Variants in ASCL5 observed in about 807,000 individuals in gnomAD.
ASCL5 encodes the protein achaete-scute homolog 5.
For synonymous variants in ASCL5, 124 were observed against 131.5 expected, an observed-to-expected ratio of 0.94 and a Z score of 0.39; for missense variants, 262 against 268.9, an observed-to-expected ratio of 0.97 and a Z score of 0.18.
At chr1:201,120,196 T>C (rs1663424003) in intron 1 of ASCL5, among the ~76,000 whole-genome samples, 1 of 152,182 alleles carries the variant, frequency 6.6e-6, no homozygotes, top group Admixed American at 6.5e-5. Context: ...AGAGAGGGCG[T>C]ATTGTCAGCG....
At chr1:201,118,862 C>T (rs951703912) in intron 1 of ASCL5, among the ~76,000 whole-genome samples, 3 of 152,168 alleles carry the variant, frequency 2.0e-5, no homozygotes, top group Non-Finnish European at 2.9e-5. Flanking sequence ...TCTGGTTTTA[C>T]GGGTGAGAAA....
At chr1:201,121,715 C>T (rs1016240976) in intron 1 of ASCL5, among the ~76,000 whole-genome samples, 12 of 151,938 alleles carry the variant, frequency 7.9e-5, no homozygotes, top group African/African-American at 1.2e-4. Context: ...CCTGTAGTCC[C>T]GGCTACTCAG....
intron 1 of ASCL5, among the ~76,000 whole-genome samples, 170 bp downstream of exon 1, chr1:201,126,914 G>T (rs1663590033): frequency 6.6e-6 from 1 of 152,250 alleles, no homozygotes; most frequent in South Asian, 2.1e-4. Flanking sequence ...ACCCCAGCCA[G>T]CAGGTGGCTT....
At chr1:201,126,128 TTTAAAG>T (rs1261380561) in intron 1 of ASCL5, among the ~76,000 whole-genome samples, 1 of 147,612 alleles carries the variant, frequency 6.8e-6, no homozygotes, top group Non-Finnish European at 1.5e-5. Context: ...CCTTAGCTCT[TTTAAAG>T]TTAATTTTTT....
At chr1:201,122,331 C>T (rs1663500520) in intron 1 of ASCL5, among the ~76,000 whole-genome samples, 1 of 152,166 alleles carries the variant, frequency 6.6e-6, no homozygotes, top group Non-Finnish European at 1.5e-5. Flanking sequence ...CATGGGCTGA[C>T]CAAGCCAAGT....
Position 201,115,213 on chromosome 1 carries a change from G to A in ASCL5, c.160C>T (p.Pro54Ser). ...CCCGCATAGGCGTCGTAGTAGGGCG[G>A]CTCTGCTGGGCCCGGGTACAGCAGG... ...PFLLYPGPAEPPYYDAYAGVF... is the reference protein window; with the variant it reads ...PFLLYPGPAESPYYDAYAGVF... The change falls in exon 2 of 2, where the codon CCG (proline) becomes TCG (serine). Residue 54 changes from proline (P) to serine (S), a missense_variant. Physicochemically the swap from Pro to Ser is moderately conservative, Grantham distance 74 (BLOSUM62 -1). Transcript: ENST00000449188. 8.1e-7 allele frequency: 1 copy of A among 1,231,614 alleles called. No homozygotes were observed. Among genetic ancestry groups the A allele is most frequent in the Non-Finnish European group, 1.0e-6 (1 of 987,912 alleles). The allele number at this position is 1,231,614 out of a possible 1,614,324, so 76.3% of individuals were successfully genotyped here.
chr1:201,123,477 T>TTG (rs1663520808), intron 1 of ASCL5, among the ~76,000 whole-genome samples: 1 of 152,170 alleles, frequency 6.6e-6, no homozygotes, highest in South Asian at 2.1e-4. Flanking sequence ...AAAACTCTCA[T>TTG]TACAGCCTTA....
intron 1 of ASCL5, 30 bp from the exon 2 acceptor site, chr1:201,115,907 T>C (rs1416362007): frequency 6.6e-6 from 1 of 152,188 alleles, no homozygotes; most frequent in Non-Finnish European, 1.5e-5. Context: ...AGTGAACATA[T>C]CAGTTAGGAA....
chr1:201,115,072 C>T lies in ASCL5; in HGVS notation c.301G>A (p.Glu101Lys). 1 of 1,231,998 alleles carries T rather than the reference C, an allele frequency of 8.1e-7. No individual in the cohort carries two copies. Among genetic ancestry groups the T allele is most frequent in the South Asian group, 4.1e-5 (1 of 24,332 alleles). 76.3% of individuals were successfully genotyped at this position (1,231,998 alleles called of 1,614,324 possible). A position where few individuals can be genotyped will look rare whatever the true frequency, so the allele number is the denominator to read the frequency against. Residue 101 changes from glutamate to lysine, a missense_variant, in exon 2 of 2, where the codon GAG becomes AAG. Glu to Lys is a moderately conservative substitution (Grantham distance 56, BLOSUM62 1). Transcript: ENST00000449188. Reference protein sequence around the residue: ...RERQRVKCVNEGYARLRGHLP... With the variant: ...RERQRVKCVNKGYARLRGHLP... ...TGGCCGCGGAGGCGAGCGTAGCCCT[C>T]GTTGACGCACTTGACTCGCTGCCTC...
chr1:201,114,843 G>A lies in ASCL5; in HGVS notation c.530C>T (p.Ala177Val), dbSNP rs1199949577. 8 of 1,227,744 alleles carry A rather than the reference G, an allele frequency of 6.5e-6. No individual in the cohort carries two copies. The highest frequency in any genetic ancestry group is 6.1e-6 in the Non-Finnish European group (6 of 985,414). The allele number at this position is 1,227,744 out of a possible 1,614,324, so 76.1% of individuals were successfully genotyped here. Residue 177 changes from alanine (A) to valine (V), a missense_variant, in exon 2 of 2, where the codon GCC (alanine) becomes GTC (valine). By Grantham distance (64) the Ala-to-Val change is moderately conservative. Coordinates refer to ENST00000449188, the MANE Select transcript of ASCL5 (RefSeq NM_001270601.2). ...CGGCACCAGGGAGGAGGGCGCCCGGGCCTCGCCGTCGCCAGGGCGGTCGGG... is the reference window on the plus strand; with the variant it reads ...CGGCACCAGGGAGGAGGGCGCCCGGACCTCGCCGTCGCCAGGGCGGTCGGG... ...PRPDRPGDGE[A>V]RAPSSLVPES...
rs1368980888 is a variant in ASCL5 at position 201,115,400 on chromosome 1, G to C, written c.-28C>G. Reference sequence around the variant, plus strand: ...TGCCGCGTGGAGCTGGACCCAGAGCGAGGCCTCCACCGAATGGCCCCGGCT... The same window carrying C: ...TGCCGCGTGGAGCTGGACCCAGAGCCAGGCCTCCACCGAATGGCCCCGGCT... On this transcript the variant is annotated 5_prime_UTR_variant, in exon 2 of 2. Transcript: ENST00000449188. 8.1e-7 allele frequency: 1 copy of C among 1,231,310 alleles called. No homozygotes were observed. The highest frequency in any genetic ancestry group is 1.0e-6 in the Non-Finnish European group (1 of 987,766). 76.3% of individuals were successfully genotyped at this position (1,231,310 alleles called of 1,614,324 possible). A position where few individuals can be genotyped will look rare whatever the true frequency, so the allele number is the denominator to read the frequency against.
chr1:201,118,963 C>G (rs1663401174), intron 1 of ASCL5, among the ~76,000 whole-genome samples: 1 of 152,198 alleles, frequency 6.6e-6, no homozygotes, highest in East Asian at 1.9e-4. Flanking sequence ...CTCAGTTTCC[C>G]ACCTCTTCCC....
chr1:201,126,214 T>A lies in ASCL5; in HGVS notation c.-506+870A>T, dbSNP rs540564715. 9.9e-5 allele frequency among the ~76,000 whole-genome samples: 15 copies of A among 152,252 alleles called. No homozygotes were observed. In the South Asian group the frequency reaches 3.1e-3, roughly 32 times the overall value. On this transcript the variant is annotated intron_variant, in intron 1 of 1. Transcript: ENST00000449188. ...GCAGTGGGACGATCATAGCTCACTG[T>A]AAACTTGAACTCCTGGGTCCAAGTA...
At chr1:201,126,562 C>T (rs566734705) in intron 1 of ASCL5, among the ~76,000 whole-genome samples, 17 of 152,324 alleles carry the variant, frequency 1.1e-4, no homozygotes, top group African/African-American at 3.8e-4. Context: ...CTAGTCTAAG[C>T]ACTTTACCCA....
rs993581706 is a variant in ASCL5, at chr1:201,114,548, A to G, written c.*204T>C. 31 of 403,812 alleles carry G rather than the reference A, an allele frequency of 7.7e-5. No individual in the cohort carries two copies. The highest frequency in any genetic ancestry group is 3.2e-4 in the Admixed American group (7 of 21,832). 25.0% of individuals were successfully genotyped at this position (403,812 alleles called of 1,614,324 possible). On this transcript the variant is annotated 3_prime_UTR_variant, in exon 2 of 2. Transcript: ENST00000449188. ...TCACCCACGGAGCTCCTAGGTCTCT[A>G]TCGTGCCCATCGTACCCGCTGCCCT...
intron 1 of ASCL5, among the ~76,000 whole-genome samples, chr1:201,117,991 G>A (rs1028485269): frequency 2.6e-5 from 4 of 152,178 alleles, no homozygotes; most frequent in African/African-American, 7.2e-5. Context: ...TAATTTGATA[G>A]GGGTCAGAAG....
intron 1 of ASCL5, among the ~76,000 whole-genome samples, chr1:201,120,132 C>A (rs1220236044): frequency 6.6e-6 from 1 of 152,194 alleles, no homozygotes; most frequent in Non-Finnish European, 1.5e-5. Context: ...TTAGGGCCAG[C>A]TATCATCAAT....
intron 1 of ASCL5, among the ~76,000 whole-genome samples, chr1:201,125,906 A>G (rs1663570257): frequency 6.6e-6 from 1 of 152,196 alleles, no homozygotes; most frequent in Non-Finnish European, 1.5e-5. Context: ...GTGGTAGAGC[A>G]GCGATGCAGA....
chr1:201,126,448 A>G (rs1192224444), intron 1 of ASCL5, among the ~76,000 whole-genome samples: 1 of 152,202 alleles, frequency 6.6e-6, no homozygotes, highest in Non-Finnish European at 1.5e-5. Context: ...GGGGAAACTG[A>G]GGCTCAGCAA....
Sources: allele counts gnomAD v4.1 joint callset (sites outside exome capture counted in the v4.1 genomes callset), GRCh38; gene constraint gnomAD v4.1.1; transcripts MANE v1.5; gene names NCBI Gene and HGNC (gene_info 2026-07-23, HGNC 2026-07-21).